N4BP2L2: variants seen among roughly 807,000 people sequenced by gnomAD.
The protein encoded by N4BP2L2 is NEDD4 binding protein 2 like 2.
N4BP2L2 carries 50 observed loss-of-function variants against 56.2 expected under a neutral mutation model. The observed-to-expected ratio is 0.89, with a 90% CI of 0.71 to 1.13. The LOEUF (loss-of-function observed/expected upper bound fraction) is 1.13. N4BP2L2 is among the 50% of genes most tolerant of loss of function. N4BP2L2 has a pLI of 0.00. For missense variants in N4BP2L2, 689 were observed against 693.8 expected (o/e 0.99, Z 0.08); for synonymous variants, 203 against 223.6 (o/e 0.91, Z 0.82).
At chr13:32,526,668 A>C (rs2140147129) in intron 3 of N4BP2L2, among the ~76,000 whole-genome samples, 1 of 152,256 alleles carries the variant, frequency 6.6e-6, no homozygotes, top group South Asian at 2.1e-4. Context: ...ATATGTATTT[A>C]CTTATAGTTC....
At chr13:32,454,389 G>A (rs2078602133) in intron 6 of N4BP2L2, among the ~76,000 whole-genome samples, 1 of 152,134 alleles carries the variant, frequency 6.6e-6, no homozygotes, top group East Asian at 1.9e-4. Context: ...ACAAACAACA[G>A]TTACAACAAG....
chr13:32,462,836 C>T (rs554384156), intron 6 of N4BP2L2, among the ~76,000 whole-genome samples: 18 of 126,684 alleles, frequency 1.4e-4, no homozygotes, highest in Non-Finnish European at 2.2e-4. Context: ...CCATCCTGGC[C>T]AACATGGTGA....
intron 6 of N4BP2L2, among the ~76,000 whole-genome samples, chr13:32,496,757 G>T (rs2088765545): frequency 6.6e-6 from 1 of 152,076 alleles, no homozygotes; most frequent in African/African-American, 2.4e-5. Flanking sequence ...CATCCAGCAG[G>T]CACTGGTCCC....
At chr13:32,443,546 G>T (rs746095665) in exon 7 of N4BP2L2, 3 of 1,610,524 alleles carry the variant, frequency 1.9e-6, no homozygotes, top group Non-Finnish European at 2.5e-6. Flanking sequence ...TCATGTGAGA[G>T]ATTTTTATCT....
rs34972549 is a variant in N4BP2L2, at chr13:32,498,987, T to TAA, written c.365+18868_365+18869dup. On this transcript the variant is annotated intron_variant, in intron 6 of 9. Transcript: ENST00000357505. ...CTGGGTGACAGAGCAAGACTCTGTC[T>TAA]AAAAAAAAAAAAAAAAAAAAAAAAT... is the stretch of plus-strand genomic sequence containing the variant. Among the ~76,000 whole-genome samples, 323 of 87,092 alleles carry TAA rather than the reference T, an allele frequency of 3.7e-3. 6 individuals are homozygous for TAA. The highest frequency in any genetic ancestry group is 0.014 in the African/African-American group (309 of 22,322). The allele number at this position is 87,092 out of a possible 152,430, so 57.1% of individuals were successfully genotyped here.
At chr13:32,531,392 G>C in intron 2 of N4BP2L2, among the ~76,000 whole-genome samples, 1 of 152,150 alleles carries the variant, frequency 6.6e-6, no homozygotes. Flanking sequence ...GCCTACAAGA[G>C]AGTCCATTTT....
chr13:32,439,894 C>T (rs1265068441), intron 7 of N4BP2L2, among the ~76,000 whole-genome samples: 1 of 149,418 alleles, frequency 6.7e-6, no homozygotes, highest in Non-Finnish European at 1.5e-5. Context: ...GGCGCAGTGG[C>T]GGGCACCTGT....
At chr13:32,481,237 T>C (rs912094392) in intron 6 of N4BP2L2, among the ~76,000 whole-genome samples, 4 of 149,390 alleles carry the variant, frequency 2.7e-5, no homozygotes, top group African/African-American at 9.9e-5. Flanking sequence ...AAATTTTAAA[T>C]GAAATCCACA....
At chr13:32,438,055 C>T (rs1390147453) in intron 8 of N4BP2L2, among the ~76,000 whole-genome samples, 1 of 152,058 alleles carries the variant, frequency 6.6e-6, no homozygotes, top group African/African-American at 2.4e-5. Context: ...TACGTGTGTA[C>T]ATTGTGTAAT....
chr13:32,491,546 CTATA>C (rs1306465310), intron 6 of N4BP2L2, among the ~76,000 whole-genome samples: 2 of 145,950 alleles, frequency 1.4e-5, no homozygotes, highest in Non-Finnish European at 3.0e-5. Flanking sequence ...TATATATATA[CTATA>C]TATAAACTAT....
chr13:32,477,837 T>G, intron 6 of N4BP2L2: 1 of 1,280,002 alleles, frequency 7.8e-7, no homozygotes, highest in Non-Finnish European at 1.0e-6. Flanking sequence ...TTGGCATAGT[T>G]GTTTGCACTG....
At chr13:32,475,174 T>C (rs980907916) in intron 6 of N4BP2L2, among the ~76,000 whole-genome samples, 1 of 152,214 alleles carries the variant, frequency 6.6e-6, no homozygotes, top group African/African-American at 2.4e-5. Context: ...AGAGCAAATG[T>C]AGATTAAAAA....
At chr13:32,459,381 C>T (rs1349110934) in intron 6 of N4BP2L2, among the ~76,000 whole-genome samples, 2 of 151,766 alleles carry the variant, frequency 1.3e-5, no homozygotes, top group Non-Finnish European at 2.9e-5. Context: ...AAATTAAACA[C>T]TAGCTAAACT....
At chr13:32,434,374 A>T (rs529732976) in intron 9 of N4BP2L2, among the ~76,000 whole-genome samples, 9 of 151,364 alleles carry the variant, frequency 5.9e-5, no homozygotes, top group Non-Finnish European at 1.2e-4. Flanking sequence ...CTAGGATTAC[A>T]GGCATGAGCC....
At chr13:32,521,335 G>A in intron 5 of N4BP2L2, 38 bp downstream of exon 5, 1 of 1,409,572 alleles carries the variant, frequency 7.1e-7, no homozygotes. Flanking sequence ...AAAGAAAGAA[G>A]AAAAGTTAAG....
intron 6 of N4BP2L2, among the ~76,000 whole-genome samples, chr13:32,454,559 T>G (rs1197754218): frequency 6.6e-6 from 1 of 152,168 alleles, no homozygotes; most frequent in African/African-American, 2.4e-5. Flanking sequence ...GAACAATCAT[T>G]GACAAAGCCT....
intron 6 of N4BP2L2, among the ~76,000 whole-genome samples, chr13:32,492,003 GA>G (rs2139356737): frequency 6.6e-6 from 1 of 152,146 alleles, no homozygotes; most frequent in South Asian, 2.1e-4. Context: ...TGCATACATA[GA>G]AAAAAGATTT....
intron 6 of N4BP2L2, among the ~76,000 whole-genome samples, chr13:32,455,188 G>A (rs1310779572): frequency 6.6e-6 from 1 of 152,182 alleles, no homozygotes; most frequent in Non-Finnish European, 1.5e-5. Context: ...TCTATCCAGA[G>A]GGCTGTAGCA....
At chr13:32,480,111 C>T (rs1406327719) in intron 6 of N4BP2L2, among the ~76,000 whole-genome samples, 5 of 152,046 alleles carry the variant, frequency 3.3e-5, no homozygotes, top group Non-Finnish European at 7.4e-5. Flanking sequence ...AAAGGGAAGG[C>T]CTTAAAATCA....
Sources: allele counts gnomAD v4.1 joint callset (sites outside exome capture counted in the v4.1 genomes callset), GRCh38; gene constraint gnomAD v4.1.1; transcripts MANE v1.5; gene names NCBI Gene and HGNC (gene_info 2026-07-23, HGNC 2026-07-21).